Variants in UXS1 observed in about 807,000 individuals in gnomAD.
UXS1 encodes UDP-glucuronate decarboxylase 1.
Under a neutral mutation model 62.6 loss-of-function variants are expected in UXS1, and 33 were observed. The ratio of observed to expected loss-of-function variants is 0.53; its 90% CI spans 0.40 to 0.70. UXS1 has a LOEUF of 0.70. Among genes scored for constraint, UXS1 ranks in the 30% least tolerant of loss-of-function variants. The pLI is 0.00. For missense variants in UXS1, 434 were observed against 556.3 expected (o/e 0.78, Z 2.21); for synonymous variants, 213 against 206.8 (o/e 1.03, Z -0.26).
At chr2:106,154,352 T>A (rs987073456) in intron 5 of UXS1, among the ~76,000 whole-genome samples, 1 of 152,224 alleles carries the variant, frequency 6.6e-6, no homozygotes, top group Non-Finnish European at 1.5e-5. Flanking sequence ...AAAGTTTATG[T>A]CTGTCCCAGA....
chr2:106,157,374 A>G (rs1166741524), intron 5 of UXS1, among the ~76,000 whole-genome samples: 2 of 152,204 alleles, frequency 1.3e-5, no homozygotes, highest in Non-Finnish European at 2.9e-5. Flanking sequence ...GTTTAACAAG[A>G]GCACTATTAG....
At chr2:106,105,399 A>G (rs201699784) in intron 10 of UXS1, among the ~76,000 whole-genome samples, 1 of 151,886 alleles carries the variant, frequency 6.6e-6, no homozygotes, top group African/African-American at 2.4e-5. Flanking sequence ...AGGTGGCAGG[A>G]GGAGGGTCAC....
intron 10 of UXS1, among the ~76,000 whole-genome samples, chr2:106,106,866 T>A (rs1472234130): frequency 6.6e-6 from 1 of 152,246 alleles, no homozygotes; most frequent in Non-Finnish European, 1.5e-5. Context: ...GGAGATGAGG[T>A]AATGGAAGGT....
chr2:106,138,883 A>T, intron 6 of UXS1: 2 of 985,174 alleles, frequency 2.0e-6, no homozygotes, highest in Non-Finnish European at 2.4e-6. Context: ...TCCTATCCTA[A>T]AAAGGGCACT....
intron 9 of UXS1, among the ~76,000 whole-genome samples, chr2:106,117,183 T>C (rs541111418): frequency 1.4e-4 from 21 of 152,196 alleles, no homozygotes; most frequent in African/African-American, 4.8e-4. Context: ...CTGTGAGAGG[T>C]TGGCATACTG....
intron 10 of UXS1, among the ~76,000 whole-genome samples, chr2:106,105,964 C>G (rs574468670): frequency 3.7e-4 from 56 of 152,284 alleles, no homozygotes; most frequent in African/African-American, 1.3e-3. Context: ...GCCAGCAGCT[C>G]TGTGAACAGC....
chr2:106,164,524 C>T (rs1483308062), intron 3 of UXS1, among the ~76,000 whole-genome samples: 1 of 152,170 alleles, frequency 6.6e-6, no homozygotes, highest in Non-Finnish European at 1.5e-5. Flanking sequence ...ATCCATTTTG[C>T]CTTTGAGGTA....
chr2:106,167,088 C>G (rs929549499), intron 1 of UXS1, among the ~76,000 whole-genome samples: 2 of 152,162 alleles, frequency 1.3e-5, no homozygotes, highest in South Asian at 2.1e-4. Context: ...TCTCCTTTGC[C>G]TGTATACAGC....
intron 5 of UXS1, among the ~76,000 whole-genome samples, chr2:106,151,650 C>T (rs1456505046): frequency 2.6e-5 from 4 of 152,154 alleles, no homozygotes; most frequent in African/African-American, 9.7e-5. Context: ...GAAAAGTAGA[C>T]TATCAGATTT....
At chr2:106,192,283 G>A (rs985307295) in intron 1 of UXS1, among the ~76,000 whole-genome samples, 2 of 152,184 alleles carry the variant, frequency 1.3e-5, no homozygotes, top group African/African-American at 2.4e-5. Flanking sequence ...TGCTGGGAGC[G>A]GTGGCTTACG....
intron 8 of UXS1, among the ~76,000 whole-genome samples, 171 bp downstream of exon 8, chr2:106,125,449 C>CA (rs1679853558): frequency 6.6e-6 from 1 of 152,196 alleles, no homozygotes; most frequent in Non-Finnish European, 1.5e-5. Context: ...GAGGCTGTCC[C>CA]ACAAGGAAGA....
intron 9 of UXS1, among the ~76,000 whole-genome samples, chr2:106,113,970 C>T (rs1250098555): frequency 6.6e-6 from 1 of 152,208 alleles, no homozygotes; most frequent in Non-Finnish European, 1.5e-5. Flanking sequence ...CGGCCAACAC[C>T]TTAGGCTGGC....
intron 11 of UXS1, chr2:106,101,600 C>T (rs865974847): frequency 6.5e-6 from 1 of 153,732 alleles, no homozygotes; most frequent in South Asian, 2.0e-4. Context: ...AGTATGTGAT[C>T]CCCATACTGG....
intron 8 of UXS1, among the ~76,000 whole-genome samples, chr2:106,125,161 C>T (rs1026034870): frequency 1.3e-5 from 2 of 152,130 alleles, no homozygotes; most frequent in African/African-American, 4.8e-5. Context: ...AAGGTTCTTC[C>T]AGAACTCGTT....
At chr2:106,099,809 C>T (rs1283751614) in intron 12 of UXS1, among the ~76,000 whole-genome samples, 1 of 152,126 alleles carries the variant, frequency 6.6e-6, no homozygotes, top group African/African-American at 2.4e-5. Flanking sequence ...GTGTGAGGCA[C>T]GTTCTGGTCT....
chr2:106,149,902 T>C (rs1314089864), intron 5 of UXS1, among the ~76,000 whole-genome samples: 1 of 152,108 alleles, frequency 6.6e-6, no homozygotes, highest in Non-Finnish European at 1.5e-5. Flanking sequence ...TTCTTAGAGA[T>C]TACCTGTAAC....
intron 9 of UXS1, among the ~76,000 whole-genome samples, chr2:106,119,225 T>C (rs1444529019): frequency 6.6e-6 from 1 of 152,228 alleles, no homozygotes; most frequent in Admixed American, 6.5e-5. Context: ...CAAAGGAGCC[T>C]TGGCGCCTTT....
rs186428602 is a variant in UXS1, at chr2:106,120,845, G to A, written c.759+2125C>T. ...CATGCCTGGTGACTCCATAGAAGGC[G>A]TATCATGCCAACGGAGTGACAGGGA... On this transcript the variant is annotated intron_variant, in intron 9 of 14. Transcript: ENST00000283148. Among the ~76,000 whole-genome samples the A allele has an allele frequency of 3.8e-4, 58 of 152,330 alleles. No homozygotes were observed. In the East Asian group the frequency reaches 0.01, roughly 27 times the overall value.
At chr2:106,141,471 T>C (rs987956847) in intron 6 of UXS1, among the ~76,000 whole-genome samples, 4 of 152,208 alleles carry the variant, frequency 2.6e-5, no homozygotes, top group Non-Finnish European at 4.4e-5. Flanking sequence ...GTTTATTTAT[T>C]TATTTTTGAG....
Sources: gnomAD v4.1 joint callset for allele counts (sites outside exome capture counted in the v4.1 genomes callset) on GRCh38, gnomAD v4.1.1 for gene constraint, MANE v1.5 for transcripts, NCBI Gene and HGNC (gene_info 2026-07-23, HGNC 2026-07-21) for gene names.